The following ETNPPL variants were observed in gnomAD, a reference collection of about 807,000 sequenced individuals.
The protein encoded by ETNPPL is ethanolamine-phosphate phospho-lyase.
Under a neutral mutation model 55.5 loss-of-function variants are expected in ETNPPL, and 30 were observed. The ratio of observed to expected loss-of-function variants is 0.54; its 90% CI spans 0.40 to 0.73. ETNPPL has a LOEUF of 0.73. Among genes scored for constraint, ETNPPL ranks in the 30% least tolerant of loss-of-function variants. The pLI is 0.00. For synonymous variants in ETNPPL, 202 were observed against 207.2 expected (o/e 0.98, Z 0.21); for missense variants, 528 against 607.9 (o/e 0.87, Z 1.38).
At chr4:108,751,347 G>C (rs1728904426) in intron 6 of ETNPPL, among the ~76,000 whole-genome samples, 1 of 152,098 alleles carries the variant, frequency 6.6e-6, no homozygotes, top group South Asian at 2.1e-4. Context: ...ATTAGTCTTT[G>C]GTTATGAACC....
rs928787345 is a variant in ETNPPL at position 108,762,701 on chromosome 4, G to C, written c.56+142C>G. The C allele has an allele frequency of 3.3e-5, 35 of 1,055,174 alleles. No individual in the cohort carries two copies. The South Asian group carries it at 4.3e-4, about 13-fold the overall frequency. 65.4% of individuals were successfully genotyped at this position (1,055,174 alleles called of 1,614,324 possible). A position where few individuals can be genotyped will look rare whatever the true frequency, so the allele number is the denominator to read the frequency against. ...CCGCGCGGCCCCTGCAGGTGGAGGCGCGCGGGGCGCGTGCACAGGCGCGGC... is the reference window on the plus strand; with the variant it reads ...CCGCGCGGCCCCTGCAGGTGGAGGCCCGCGGGGCGCGTGCACAGGCGCGGC... On this transcript the variant is annotated intron_variant, in intron 1 of 12. Transcript: ENST00000296486.
intron 10 of ETNPPL, 57 bp downstream of exon 10, chr4:108,746,705 A>C: frequency 6.5e-7 from 1 of 1,547,828 alleles, no homozygotes; most frequent in South Asian, 1.1e-5. Context: ...CAAGCTTTCA[A>C]GTGGGTAGGC....
At position 108,746,900 on chromosome 4, in the gene ETNPPL, C is replaced by G. The variant is rs377238191; in HGVS notation, c.1083-49G>C. On this transcript the variant is annotated intron_variant, in intron 9 of 12. Transcript: ENST00000296486. The stretch of plus-strand genomic sequence containing the variant: ...GACCCACAATCTGTCCAACTCTTCA[C>G]TGTCACAAAAAGTTAACACTATCAC... 71 of 1,325,176 alleles carry G rather than the reference C, an allele frequency of 5.4e-5. 1 individual carries two copies. In the African/African-American group the frequency reaches 9.6e-4, roughly 18 times the overall value. The allele number at this position is 1,325,176 out of a possible 1,614,324, so 82.1% of individuals were successfully genotyped here.
Position 108,748,564 on chromosome 4 carries a change from C to A in ETNPPL, c.928-405G>T, listed in dbSNP as rs565793297. Among the ~76,000 whole-genome samples, 158 of 152,222 alleles carry A rather than the reference C, an allele frequency of 1.0e-3. 1 individual carries two copies. The highest frequency in any genetic ancestry group is 3.7e-3 in the African/African-American group (152 of 41,548). ...GCAATTTATGTCCTCAGATTTGAAT[C>A]TTACTTTTAGCTGTAACAAGTCGTA... is the stretch of plus-strand genomic sequence containing the variant. On this transcript the variant is annotated intron_variant, in intron 8 of 12. Coordinates refer to ENST00000296486, the MANE Select transcript of ETNPPL (RefSeq NM_031279.4).
intron 4 of ETNPPL, among the ~76,000 whole-genome samples, chr4:108,755,587 C>A (rs1042142811): frequency 6.6e-6 from 1 of 151,960 alleles, no homozygotes; most frequent in African/African-American, 2.4e-5. Context: ...GGGGCTGAGG[C>A]GGGTGGATCA....
At chr4:108,747,236 AT>A (rs1728643258) in intron 9 of ETNPPL, among the ~76,000 whole-genome samples, 1 of 43,102 alleles carries the variant, frequency 2.3e-5, no homozygotes, top group Non-Finnish European at 3.4e-5. Context: ...ATATATATAT[AT>A]ATAATATATA....
intron 5 of ETNPPL, 140 bp from the exon 6 acceptor site, chr4:108,753,151 C>G: frequency 1.7e-6 from 1 of 589,448 alleles, no homozygotes; most frequent in Non-Finnish European, 3.0e-6. Context: ...TCTTTTTTTC[C>G]CTTAACATTT....
At chr4:108,753,973 C>CTTTTTTTTTTTTTT (rs1213568977) in intron 5 of ETNPPL, among the ~76,000 whole-genome samples, 8 of 122,762 alleles carry the variant, frequency 6.5e-5, no homozygotes, top group African/African-American at 2.2e-4. Context: ...TTTTTCTTTT[C>CTTTTTTTTTTTTTT]TTTTTTTTTT....
intron 4 of ETNPPL, 38 bp downstream of exon 4, chr4:108,756,380 G>T: frequency 1.4e-6 from 2 of 1,459,370 alleles, no homozygotes; most frequent in Non-Finnish European, 1.9e-6. Flanking sequence ...TGTCTCTGAA[G>T]AAGCTTCTTG....
chr4:108,760,228 G>A lies in ETNPPL; in HGVS notation c.135C>T (p.Asn45=), dbSNP rs140485689. 47 of 1,611,810 alleles carry A rather than the reference G, an allele frequency of 2.9e-5. No individual in the cohort carries two copies. Among genetic ancestry groups the A allele is most frequent in the East Asian group, 4.5e-5 (2 of 44,876 alleles). The change falls in exon 2 of 13, where the codon AAC becomes AAT. Residue 45 remains asparagine (N), a synonymous_variant. Coordinates refer to ENST00000296486, the MANE Select transcript of ETNPPL (RefSeq NM_031279.4). ...RAQRQYMFDE[N]GEQYLDCINN... The stretch of plus-strand genomic sequence containing the variant: ...TGATGCAGTCCAAGTACTGTTCACC[G>A]TTCTCATCAAACATGTACTGCCTCT...
intron 9 of ETNPPL, among the ~76,000 whole-genome samples, chr4:108,747,158 T>TGTC (rs1560650312): frequency 6.1e-5 from 1 of 16,354 alleles, no homozygotes; most frequent in African/African-American, 4.3e-4. Flanking sequence ...AATATATATA[T>TGTC]ATATATTATA....
intron 7 of ETNPPL, 34 bp from the exon 8 acceptor site, chr4:108,749,497 G>C: frequency 1.3e-6 from 2 of 1,519,660 alleles, no homozygotes; most frequent in Non-Finnish European, 1.8e-6. Flanking sequence ...ATGCCTTCAG[G>C]TCACTGAGAT....
At chr4:108,753,811 G>GAAAAGAAAAGAAAAGAA (rs1560656754) in intron 5 of ETNPPL, among the ~76,000 whole-genome samples, 1 of 128,862 alleles carries the variant, frequency 7.8e-6, no homozygotes, top group African/African-American at 2.9e-5. Context: ...AAAGAAAAGA[G>GAAAAGAAAAGAAAAGAA]AAGAAAAGAA....
chr4:108,746,553 T>C, intron 10 of ETNPPL, 24 bp from the exon 11 acceptor site: 1 of 1,608,694 alleles, frequency 6.2e-7, no homozygotes, highest in Non-Finnish European at 8.5e-7. Context: ...GAAATACATG[T>C]GAGTGTATGC....
intron 1 of ETNPPL, 108 bp downstream of exon 1, chr4:108,762,735 A>G: frequency 7.5e-7 from 1 of 1,336,206 alleles, no homozygotes; most frequent in African/African-American, 1.4e-5. Context: ...GCGGGCACGG[A>G]GTGCGGCTGC....
At position 108,750,980 on chromosome 4, in the gene ETNPPL, G is replaced by A. The variant is rs202240312; in HGVS notation, c.657C>T (p.Gly219=). 1.6e-5 allele frequency: 26 copies of A among 1,613,214 alleles called. No individual in the cohort carries two copies. Among genetic ancestry groups the A allele is most frequent in the Non-Finnish European group, 2.2e-5 (26 of 1,179,392 alleles). Residue 219 remains glycine (G), a synonymous_variant, in exon 7 of 13, where the codon GGC becomes GGT. Coordinates refer to ENST00000296486, the MANE Select transcript of ETNPPL (RefSeq NM_031279.4). ...AFIAESMQSC[G]GQIIPPAGYF... Reference sequence around the variant, plus strand: ...AGCCTGCTGGAGGAATTATTTGTCCGCCACAACTCTGCATGGATTCAGCAA... The same window carrying A: ...AGCCTGCTGGAGGAATTATTTGTCCACCACAACTCTGCATGGATTCAGCAA...
chr4:108,757,067 A>T (rs1389336354), intron 3 of ETNPPL, among the ~76,000 whole-genome samples: 1 of 152,158 alleles, frequency 6.6e-6, no homozygotes, highest in Non-Finnish European at 1.5e-5. Context: ...GTTCAGCCAC[A>T]TAGTGACTGA....
chr4:108,753,824 G>GAAAAT (rs1729063823), intron 5 of ETNPPL, among the ~76,000 whole-genome samples: 1 of 145,480 alleles, frequency 6.9e-6, no homozygotes, highest in Non-Finnish European at 1.5e-5. Context: ...GAAAAGAAAA[G>GAAAAT]AAAAAAAGAA....
intron 9 of ETNPPL, 52 bp downstream of exon 9, chr4:108,747,953 T>C (rs941834099): frequency 6.8e-6 from 10 of 1,475,282 alleles, no homozygotes; most frequent in Non-Finnish European, 9.3e-6. Flanking sequence ...TATAAACTAT[T>C]ATTATTTTGA....
Sources: allele counts gnomAD v4.1 joint callset (sites outside exome capture counted in the v4.1 genomes callset), GRCh38; gene constraint gnomAD v4.1.1; transcripts MANE v1.5; gene names NCBI Gene and HGNC (gene_info 2026-07-23, HGNC 2026-07-21).